RAP1GAP2: variants seen among roughly 807,000 people sequenced by gnomAD.
RAP1GAP2 encodes rap1 GTPase-activating protein 2.
A neutral mutation model predicts 95.0 loss-of-function variants in RAP1GAP2; 27 were observed. The observed-to-expected ratio is 0.28, with a 90% CI of 0.21 to 0.39. The LOEUF (loss-of-function observed/expected upper bound fraction) is 0.39, where lower values mean the gene tolerates loss of function less well. RAP1GAP2 is among the 10% of genes least tolerant of loss of function. RAP1GAP2 has a pLI of 1.00. For missense variants in RAP1GAP2, 771 were observed against 970.0 expected (o/e 0.79, Z 2.72); for synonymous variants, 373 against 380.9 (o/e 0.98, Z 0.24).
At chr17:2,874,464 T>C (rs1266600201) in intron 2 of RAP1GAP2, among the ~76,000 whole-genome samples, 1 of 151,962 alleles carries the variant, frequency 6.6e-6, no homozygotes, top group African/African-American at 2.4e-5. Flanking sequence ...CTTGTAAAAG[T>C]CAGGGCTGAG....
intron 2 of RAP1GAP2, among the ~76,000 whole-genome samples, chr17:2,801,146 C>G (rs1276520581): frequency 6.6e-6 from 1 of 151,602 alleles, no homozygotes; most frequent in African/African-American, 2.4e-5. Context: ...CTGCGCCTAG[C>G]CCAGACCCAT....
chr17:3,010,844 G>A (rs1036482704), intron 17 of RAP1GAP2, among the ~76,000 whole-genome samples: 2 of 152,204 alleles, frequency 1.3e-5, no homozygotes, highest in African/African-American at 4.8e-5. Context: ...GTAGCACCGT[G>A]GGGCGTGGGA....
chr17:2,981,114 C>T (rs1410257969), intron 9 of RAP1GAP2, 81 bp from the exon 10 acceptor site: 7 of 1,343,978 alleles, frequency 5.2e-6, no homozygotes, highest in South Asian at 2.5e-5. Context: ...CCTCCCATGC[C>T]GCATTGTCCA....
chr17:2,996,483 T>A (rs1023634385), intron 13 of RAP1GAP2, among the ~76,000 whole-genome samples: 1 of 152,128 alleles, frequency 6.6e-6, no homozygotes, highest in African/African-American at 2.4e-5. Context: ...CCTGGCTTCT[T>A]AGGAAAGAAG....
At chr17:2,930,318 C>A (rs1797530028) in intron 3 of RAP1GAP2, among the ~76,000 whole-genome samples, 2 of 152,196 alleles carry the variant, frequency 1.3e-5, no homozygotes, top group Admixed American at 1.3e-4. Context: ...GTGACAAGCC[C>A]ACCAGCTGCT....
In RAP1GAP2 at chr17:3,035,694, T is replaced by G. The variant is rs1464860047; in HGVS notation, c.*2333T>G. ...TCCTGTGGCTTCCAGAGTGTGCACT[T>G]CCAGCCCACCCGGGCAGTGCTGAGA... On this transcript the variant is annotated 3_prime_UTR_variant, in exon 25 of 25. Coordinates refer to ENST00000254695, the MANE Select transcript of RAP1GAP2 (RefSeq NM_015085.5). This position sits in a 1 kb window ranked among gnomAD's most constrained non-coding sequence, Gnocchi z 4.3. 6.6e-6 allele frequency: 1 copy of G among 152,332 alleles called. No individual in the cohort carries two copies. Among genetic ancestry groups the G allele is most frequent in the Non-Finnish European group, 1.5e-5 (1 of 68,158 alleles). 9.4% of individuals were successfully genotyped at this position (152,332 alleles called of 1,614,324 possible). A position where few individuals can be genotyped will look rare whatever the true frequency, so the allele number is the denominator to read the frequency against.
rs147298944 is a variant in RAP1GAP2 at position 2,924,261 on chromosome 17, G to A, written c.165+18893G>A. ...TGCTGTTCTCAGAAGAGCAGGCTGA[G>A]TAACGGTCTGCACCTCCCGATGCCT... is the stretch of plus-strand genomic sequence containing the variant. On this transcript the variant is annotated intron_variant, in intron 3 of 24. Coordinates refer to ENST00000254695, the MANE Select transcript of RAP1GAP2 (RefSeq NM_015085.5). 4.6e-5 allele frequency among the ~76,000 whole-genome samples: 7 copies of A among 152,268 alleles called. No homozygotes were observed. The East Asian group carries it at 9.7e-4, about 21-fold the overall frequency.
chr17:2,870,119 CTTTT>C lies in RAP1GAP2; in HGVS notation c.81-35153_81-35150del, dbSNP rs1218487336. On this transcript the variant is annotated intron_variant, in intron 2 of 24. Coordinates refer to ENST00000254695, the MANE Select transcript of RAP1GAP2 (RefSeq NM_015085.5). This position sits in a 1 kb window ranked among gnomAD's most constrained non-coding sequence, Gnocchi z 4.4. Reference sequence around the variant, plus strand: ...GCACTCTGTGCTGCTGCTTGACAATCTTTTTTTTTTTTTTTGGAGATGGAGTCTC... The same window carrying C: ...GCACTCTGTGCTGCTGCTTGACAATCTTTTTTTTTTTGGAGATGGAGTCTC... 1.4e-5 allele frequency among the ~76,000 whole-genome samples: 2 copies of C among 141,236 alleles called. No individual in the cohort carries two copies. The highest frequency in any genetic ancestry group is 7.2e-5 in the Admixed American group (1 of 13,874). The allele number at this position is 141,236 out of a possible 152,430, so 92.7% of individuals were successfully genotyped here. A position where few individuals can be genotyped will look rare whatever the true frequency, so the allele number is the denominator to read the frequency against.
chr17:3,022,277 G>C (rs1420106128), intron 19 of RAP1GAP2, among the ~76,000 whole-genome samples: 1 of 152,208 alleles, frequency 6.6e-6, no homozygotes, highest in Non-Finnish European at 1.5e-5. Context: ...CAGATGTCAG[G>C]ATATGGAGAA....
At chr17:2,988,099 A>G (rs1454077139) in intron 11 of RAP1GAP2, among the ~76,000 whole-genome samples, 1 of 152,080 alleles carries the variant, frequency 6.6e-6, no homozygotes, top group Non-Finnish European at 1.5e-5. Flanking sequence ...AGTCCCAGCT[A>G]CTTGGGAGTC....
At chr17:2,792,296 C>T (rs924193090), upstream of RAP1GAP2, among the ~76,000 whole-genome samples, 5 of 152,220 alleles carry the variant, frequency 3.3e-5, no homozygotes, top group African/African-American at 1.2e-4. Context: ...GGGACAGAAT[C>T]GTCCTTGACA....
intron 8 of RAP1GAP2, chr17:2,966,027 G>A (rs2044581515): frequency 4.6e-6 from 1 of 215,842 alleles, no homozygotes; most frequent in Non-Finnish European, 9.4e-6. Flanking sequence ...TGCTGCCTGT[G>A]GTATACATCT....
intron 2 of RAP1GAP2, among the ~76,000 whole-genome samples, chr17:2,826,147 A>ATTTTTTTTTTTTTTTTTTTTTTTTTTT (rs71150901): frequency 9.2e-6 from 1 of 108,864 alleles, no homozygotes; most frequent in Non-Finnish European, 1.7e-5. Context: ...CGCCCAGCAA[A>ATTTTTTTTTTTTTTTTTTTTTTTTTTT]TTTTTTTTTT....
At chr17:2,972,618 A>G (rs2044913716) in intron 8 of RAP1GAP2, among the ~76,000 whole-genome samples, 2 of 149,146 alleles carry the variant, frequency 1.3e-5, no homozygotes, top group Non-Finnish European at 2.9e-5. Context: ...AAAAAAAAAA[A>G]AGGATCTTTT....
chr17:2,941,529 C>G (rs1021031093), intron 3 of RAP1GAP2, among the ~76,000 whole-genome samples: 6 of 152,098 alleles, frequency 3.9e-5, no homozygotes, highest in Admixed American at 3.9e-4. Context: ...GAGGCGCTGT[C>G]CAGTTGAGGC....
chr17:2,815,532 A>G (rs1014567774), intron 2 of RAP1GAP2, among the ~76,000 whole-genome samples: 1 of 150,920 alleles, frequency 6.6e-6, no homozygotes, highest in Non-Finnish European at 1.5e-5. Context: ...CCCAGGCTGG[A>G]TTGCAGTGGC....
At chr17:2,893,458 C>T (rs1597535733) in intron 2 of RAP1GAP2, among the ~76,000 whole-genome samples, 1 of 152,204 alleles carries the variant, frequency 6.6e-6, no homozygotes, top group Non-Finnish European at 1.5e-5. Flanking sequence ...TTTATATCTC[C>T]TAAAGGAAGT....
At chr17:2,909,658 G>T (rs2151740906) in intron 3 of RAP1GAP2, among the ~76,000 whole-genome samples, 1 of 152,344 alleles carries the variant, frequency 6.6e-6, no homozygotes, top group Admixed American at 6.5e-5. Context: ...CAGCCTCAGG[G>T]AAAGCTCAGC....
At chr17:2,975,589 G>A (rs967849661) in intron 8 of RAP1GAP2, among the ~76,000 whole-genome samples, 7 of 152,208 alleles carry the variant, frequency 4.6e-5, no homozygotes, top group East Asian at 3.8e-4. Flanking sequence ...TGTAACACCC[G>A]GGCTCTCTTC....
Sources: gnomAD v4.1 joint callset for allele counts (sites outside exome capture counted in the v4.1 genomes callset) on GRCh38, gnomAD v4.1.1 for gene constraint, Gnocchi (gnomAD v3.1) non-coding constraint, MANE v1.5 for transcripts, NCBI Gene and HGNC (gene_info 2026-07-23, HGNC 2026-07-21) for gene names.